The following LYPD6 variants were observed in gnomAD, a reference collection of about 807,000 sequenced individuals.
The protein encoded by LYPD6 is ly6/PLAUR domain-containing protein 6.
A neutral mutation model predicts 22.7 loss-of-function variants in LYPD6; 15 were observed. That is an observed-to-expected ratio of 0.66 (90% CI 0.44 to 1.02). LYPD6 has a LOEUF of 1.02. Ranked by LOEUF, LYPD6 falls within the 50% of genes least tolerant of loss-of-function variation. The pLI, the probability that LYPD6 is intolerant of heterozygous loss-of-function variation, is 0.00. For synonymous variants in LYPD6, 72 were observed against 77.5 expected (o/e 0.93, Z 0.37); for missense variants, 189 against 208.4 (o/e 0.91, Z 0.57).
rs978241496 is a variant in LYPD6 at position 149,469,635 on chromosome 2, T to TCGA, written c.348+861_348+862insGAC. 1.8e-4 allele frequency among the ~76,000 whole-genome samples: 28 copies of TCGA among 152,142 alleles called. 1 individual carries two copies. Among genetic ancestry groups the TCGA allele is most frequent in the African/African-American group, 6.8e-4 (28 of 41,440 alleles). On this transcript the variant is annotated intron_variant, in intron 4 of 4. Transcript: ENST00000334166. ...CTAATAATTAAAATTTTAAATATAA[T>TCGA]CTGCCTATTCTGCTCCTGGTTCAAA... is the stretch of plus-strand genomic sequence containing the variant.
At chr2:149,486,201 T>C in the LYPD6 span, among the ~76,000 whole-genome samples, 11 of 152,210 alleles carry the variant, frequency 7.2e-5, no homozygotes, top group Non-Finnish European at 1.3e-4. Flanking sequence ...GGGTTAAAAC[T>C]TATAGTTTGA....
intron 1 of LYPD6, among the ~76,000 whole-genome samples, chr2:149,432,878 GTGAAAAGC>G (rs1209951027): frequency 6.6e-6 from 1 of 152,112 alleles, no homozygotes; most frequent in Non-Finnish European, 1.5e-5. Flanking sequence ...TTGGTTTTAG[GTGAAAAGC>G]TGACTGACTT....
chr2:149,437,604 C>T (rs947107828), intron 1 of LYPD6, 34 bp from the exon 2 acceptor site: 15 of 1,552,844 alleles, frequency 9.7e-6, no homozygotes, highest in Middle Eastern at 2.4e-4. Context: ...TTTCTCCAGT[C>T]GATCACTGAG....
intron 1 of LYPD6, among the ~76,000 whole-genome samples, chr2:149,339,205 G>A (rs942847410): frequency 2.0e-5 from 3 of 152,152 alleles, no homozygotes; most frequent in African/African-American, 4.8e-5. Context: ...CAAAGACTAC[G>A]TATAACCAGA....
rs182485577 is a variant in LYPD6 at position 149,360,198 on chromosome 2, C to T, written c.-72+29476C>T. ...ATTAGTGTATAATGAGCAGTGAGGACGACTGGAGGTCACTTTTGTCACCAT... is the reference window on the plus strand; with the variant it reads ...ATTAGTGTATAATGAGCAGTGAGGATGACTGGAGGTCACTTTTGTCACCAT... On this transcript the variant is annotated intron_variant, in intron 1 of 4. Transcript: ENST00000334166. 6.6e-5 allele frequency among the ~76,000 whole-genome samples: 10 copies of T among 152,298 alleles called. No individual in the cohort carries two copies. The East Asian group carries it at 1.2e-3, about 18-fold the overall frequency.
chr2:149,460,330 G>A (rs1188029051), intron 3 of LYPD6, among the ~76,000 whole-genome samples: 1 of 105,764 alleles, frequency 9.5e-6, no homozygotes, highest in Non-Finnish European at 2.2e-5. Flanking sequence ...AATGGAAAAA[G>A]ATAGTAGGGA....
chr2:149,348,569 C>A (rs1559120363), intron 1 of LYPD6, among the ~76,000 whole-genome samples: 1 of 152,166 alleles, frequency 6.6e-6, no homozygotes, highest in Admixed American at 6.5e-5. Context: ...GGCTTGCCCT[C>A]CAAGAAGGCA....
At chr2:149,440,693 C>CTTTTTT (rs764789006) in intron 2 of LYPD6, among the ~76,000 whole-genome samples, 45 of 91,088 alleles carry the variant, frequency 4.9e-4, no homozygotes, top group East Asian at 1.0e-3. Flanking sequence ...TTCTGTCCAC[C>CTTTTTT]TTTTTTTTTT....
At chr2:149,456,367 A>G (rs956587815) in intron 3 of LYPD6, among the ~76,000 whole-genome samples, 17 of 152,202 alleles carry the variant, frequency 1.1e-4, no homozygotes, top group African/African-American at 3.9e-4. Flanking sequence ...CACCCTGATT[A>G]AGAAATGACC....
At chr2:149,477,468 C>T (rs10183387), downstream of LYPD6, among the ~76,000 whole-genome samples, 1 of 151,706 alleles carries the variant, frequency 6.6e-6, no homozygotes, top group East Asian at 1.9e-4. Context: ...ACTAAAAAAA[C>T]AAAAATTAGC....
intron 3 of LYPD6, among the ~76,000 whole-genome samples, chr2:149,462,457 A>G (rs947883884): frequency 8.6e-5 from 13 of 151,938 alleles, no homozygotes; most frequent in Non-Finnish European, 1.9e-4. Flanking sequence ...ATAGATTGAA[A>G]GACAACATAG....
At chr2:149,354,562 A>G (rs748922954) in intron 1 of LYPD6, among the ~76,000 whole-genome samples, 1 of 152,118 alleles carries the variant, frequency 6.6e-6, no homozygotes, top group Non-Finnish European at 1.5e-5. Context: ...GCATCAACAC[A>G]TGAAGGAATA....
chr2:149,406,393 C>T (rs1012634212), intron 1 of LYPD6, among the ~76,000 whole-genome samples: 1 of 151,448 alleles, frequency 6.6e-6, no homozygotes, highest in Non-Finnish European at 1.5e-5. Context: ...TCACTCAGGA[C>T]TTGCTTTATG....
chr2:149,411,100 T>C (rs1167946004), intron 1 of LYPD6, among the ~76,000 whole-genome samples: 1 of 152,148 alleles, frequency 6.6e-6, no homozygotes, highest in Admixed American at 6.5e-5. Context: ...ATCAGCATCA[T>C]CTAGGAAACT....
At chr2:149,416,885 A>G (rs1424221385) in intron 1 of LYPD6, among the ~76,000 whole-genome samples, 3 of 152,194 alleles carry the variant, frequency 2.0e-5, no homozygotes, top group African/African-American at 7.2e-5. Context: ...CCTGCTGCTT[A>G]TGAGTGGTGC....
In LYPD6 at chr2:149,423,725, G is replaced by A. The variant is rs532787864; in HGVS notation, c.-71-13913G>A. Among the ~76,000 whole-genome samples the A allele has an allele frequency of 2.0e-3, 264 of 130,522 alleles. 1 individual carries two copies. Among genetic ancestry groups the A allele is most frequent in the African/African-American group, 7.1e-3 (249 of 35,150 alleles). The allele number at this position is 130,522 out of a possible 152,430, so 85.6% of individuals were successfully genotyped here. ...CCCCAAACTACTCCTCAGAAAACTAGACTAGTTAATAGACGTTCATTAAAA... is the reference window on the plus strand; with the variant it reads ...CCCCAAACTACTCCTCAGAAAACTAAACTAGTTAATAGACGTTCATTAAAA... On this transcript the variant is annotated intron_variant, in intron 1 of 4. Coordinates refer to ENST00000334166, the MANE Select transcript of LYPD6 (RefSeq NM_194317.5).
At chr2:149,430,371 A>G (rs1683286381) in intron 1 of LYPD6, among the ~76,000 whole-genome samples, 1 of 152,176 alleles carries the variant, frequency 6.6e-6, no homozygotes, top group Admixed American at 6.5e-5. Flanking sequence ...AAGTGCTGGG[A>G]TTACAGGCGT....
chr2:149,429,280 T>C (rs371553706), intron 1 of LYPD6, among the ~76,000 whole-genome samples: 1 of 152,178 alleles, frequency 6.6e-6, no homozygotes, highest in Admixed American at 6.5e-5. Flanking sequence ...AAGAGACTTC[T>C]GGAGAATGCC....
At chr2:149,399,322 T>A (rs1682500429) in intron 1 of LYPD6, among the ~76,000 whole-genome samples, 1 of 152,232 alleles carries the variant, frequency 6.6e-6, no homozygotes. Context: ...TTGAATGTCA[T>A]TTATGTTCAT....
Sources: allele counts gnomAD v4.1 joint callset (sites outside exome capture counted in the v4.1 genomes callset), GRCh38; gene constraint gnomAD v4.1.1; transcripts MANE v1.5; gene names NCBI Gene and HGNC (gene_info 2026-07-23, HGNC 2026-07-21).